The following CREB3L2 variants were observed in gnomAD, a reference collection of about 807,000 sequenced individuals.
CREB3L2 encodes cAMP responsive element binding protein 3 like 2.
A neutral mutation model predicts 57.2 loss-of-function variants in CREB3L2; 23 were observed. The ratio of observed to expected loss-of-function variants is 0.40; its 90% confidence interval spans 0.29 to 0.57. The LOEUF (loss-of-function observed/expected upper bound fraction) is 0.57, where lower values mean the gene tolerates loss of function less well. CREB3L2 is among the 20% of genes least tolerant of loss of function. The pLI, the probability that CREB3L2 is intolerant of heterozygous loss-of-function variation, is 0.42. For missense variants in CREB3L2, 628 were observed against 634.7 expected (o/e 0.99, Z 0.11); for synonymous variants, 268 against 265.1 (o/e 1.01, Z -0.11).
rs527240932 is a variant in CREB3L2, at chr7:137,991,801, G to A, written c.102+9803C>T. ...TGGGCACCTGTAATCCCAGCTACTC[G>A]GGAGACTGAGGCACAAGAATCACTT... On this transcript the variant is annotated intron_variant, in intron 1 of 11. Transcript: ENST00000330387. 1.2e-3 allele frequency among the ~76,000 whole-genome samples: 184 copies of A among 151,822 alleles called. 2 individuals carry two copies. The highest frequency in any genetic ancestry group is 4.1e-3 in the African/African-American group (171 of 41,368).
intron 1 of CREB3L2, among the ~76,000 whole-genome samples, chr7:137,979,448 C>T (rs1298494241): frequency 8.5e-5 from 13 of 152,250 alleles, no homozygotes; most frequent in South Asian, 2.1e-4. Context: ...TGCTGCCGGC[C>T]GGGCGCGGTG....
At chr7:137,934,109 T>A (rs558203028) in intron 1 of CREB3L2, among the ~76,000 whole-genome samples, 1 of 152,376 alleles carries the variant, frequency 6.6e-6, no homozygotes, top group African/African-American at 2.4e-5. Context: ...AATCAAACTT[T>A]ATGAGTTTAC....
chr7:137,970,325 G>C (rs2117298627), intron 1 of CREB3L2, among the ~76,000 whole-genome samples: 1 of 152,268 alleles, frequency 6.6e-6, no homozygotes, highest in East Asian at 1.9e-4. Context: ...TTTTGTTTTA[G>C]AACTTTCTTT....
chr7:137,937,821 AC>A (rs1368551297), intron 1 of CREB3L2, among the ~76,000 whole-genome samples: 35 of 94,490 alleles, frequency 3.7e-4, no homozygotes, highest in African/African-American at 9.3e-4. Context: ...GAGGCTTATT[AC>A]CAAAAAAAAA....
intron 1 of CREB3L2, among the ~76,000 whole-genome samples, chr7:137,965,827 C>T (rs941882726): frequency 6.6e-6 from 1 of 152,180 alleles, no homozygotes; most frequent in Non-Finnish European, 1.5e-5. Flanking sequence ...TCAAAATGGG[C>T]AACTGGGAGA....
chr7:137,885,449 G>A lies in CREB3L2; in HGVS notation c.1097C>T (p.Ser366Phe). The A allele has an allele frequency of 6.2e-7, 1 of 1,614,214 alleles. No individual in the cohort carries two copies. Among genetic ancestry groups the A allele is most frequent in the Non-Finnish European group, 8.5e-7 (1 of 1,180,032 alleles). Residue 366 changes from serine (S) to phenylalanine (F), a missense_variant, in exon 9 of 12, where the codon TCT becomes TTT. This residue lies in a region of CREB3L2 where 272 missense variants were observed against 242.7 expected (regional missense o/e 1.12). Transcript: ENST00000330387. The stretch of plus-strand genomic sequence containing the variant: ...CGTGCCAGCTAACTTGCAGGTTCGA[G>A]AAACCTTGCCCATCACCAAAGTCTG... The part of the protein sequence containing the change: ...KLQTLVMGKV[S>F]RTCKLAGTQT...
At chr7:137,883,511 A>G (rs1224762030) in intron 10 of CREB3L2, among the ~76,000 whole-genome samples, 2 of 152,236 alleles carry the variant, frequency 1.3e-5, no homozygotes, top group Non-Finnish European at 2.9e-5. Flanking sequence ...TGTAGGGTTC[A>G]TATGCCTTTT....
chr7:137,878,134 T>C lies in CREB3L2; in HGVS notation c.*2342A>G, dbSNP rs557529552. The C allele has an allele frequency of 5.4e-4, 125 of 230,714 alleles. No homozygotes were observed. The highest frequency in any genetic ancestry group is 1.0e-3 in the Non-Finnish European group (117 of 116,612). The allele number at this position is 230,714 out of a possible 1,614,324, so 14.3% of individuals were successfully genotyped here. ...CTGCTGTTTGGAGGTCGAGAGAGAG[T>C]GACGTCAAGCAAGCGTAGTAAGGGA... On this transcript the variant is annotated 3_prime_UTR_variant, in exon 12 of 12. Transcript: ENST00000330387.
At position 137,928,288 on chromosome 7, in the gene CREB3L2, T is replaced by C; in HGVS notation, c.181A>G (p.Ser61Gly). The C allele has an allele frequency of 6.2e-7, 1 of 1,614,104 alleles. No individual in the cohort carries two copies. Among genetic ancestry groups the C allele is most frequent in the Non-Finnish European group, 8.5e-7 (1 of 1,180,012 alleles). ...GAAGGTTCCACCTCCATTGACACAC[T>C]CTTCTCTGAGAGGAAAGGATCATTC... is the stretch of plus-strand genomic sequence containing the variant. ...LLNDPFLSEK[S>G]VSMEVEPSPT... Residue 61 changes from serine (S) to glycine (G), a missense_variant, in exon 2 of 12, where the codon AGT becomes GGT. Coordinates refer to ENST00000330387, the MANE Select transcript of CREB3L2 (RefSeq NM_194071.4).
At chr7:137,993,941 G>A (rs925118438) in intron 1 of CREB3L2, among the ~76,000 whole-genome samples, 2 of 152,272 alleles carry the variant, frequency 1.3e-5, no homozygotes, top group Non-Finnish European at 2.9e-5. Context: ...TGTGCCTCAT[G>A]AATAACCTAT....
chr7:137,965,967 T>C (rs891486983), intron 1 of CREB3L2, among the ~76,000 whole-genome samples: 1 of 152,136 alleles, frequency 6.6e-6, no homozygotes, highest in South Asian at 2.1e-4. Flanking sequence ...ATTCAGTAGG[T>C]CTGCAGTGGG....
chr7:137,893,268 A>G (rs959386319), intron 8 of CREB3L2, among the ~76,000 whole-genome samples: 1 of 152,238 alleles, frequency 6.6e-6, no homozygotes, highest in African/African-American at 2.4e-5. Context: ...ATTACACTAA[A>G]ATGCCTTTTA....
At chr7:137,989,341 T>A (rs1203879940) in intron 1 of CREB3L2, among the ~76,000 whole-genome samples, 4 of 151,634 alleles carry the variant, frequency 2.6e-5, no homozygotes, top group African/African-American at 7.3e-5. Context: ...GTCAGCTGAA[T>A]AGCACACTCA....
At chr7:137,942,594 G>A (rs191468635) in intron 1 of CREB3L2, among the ~76,000 whole-genome samples, 7 of 152,154 alleles carry the variant, frequency 4.6e-5, no homozygotes, top group South Asian at 2.1e-4. Flanking sequence ...AATAAAACAC[G>A]AGGCCATAAT....
chr7:137,904,651 G>C (rs1273470915), intron 6 of CREB3L2, among the ~76,000 whole-genome samples: 2 of 151,928 alleles, frequency 1.3e-5, no homozygotes, highest in Admixed American at 6.6e-5. Context: ...GTGACAGAGA[G>C]AGACTCCATC....
At chr7:137,979,224 G>C (rs753726986) in intron 1 of CREB3L2, among the ~76,000 whole-genome samples, 2 of 152,160 alleles carry the variant, frequency 1.3e-5, no homozygotes, top group African/African-American at 2.4e-5. Flanking sequence ...TGTCATCTCT[G>C]TTCTAATTGA....
chr7:137,903,633 G>C (rs915491651), intron 7 of CREB3L2, among the ~76,000 whole-genome samples: 8 of 152,198 alleles, frequency 5.3e-5, no homozygotes, highest in African/African-American at 1.7e-4. Context: ...AGCTAAAACA[G>C]GGCTTCTCCT....
At chr7:137,923,312 T>C (rs1010987536) in intron 2 of CREB3L2, among the ~76,000 whole-genome samples, 2 of 152,218 alleles carry the variant, frequency 1.3e-5, no homozygotes, top group African/African-American at 4.8e-5. Context: ...ATTGTTTTTA[T>C]CTGTTTGGAA....
intron 1 of CREB3L2, among the ~76,000 whole-genome samples, chr7:137,956,385 A>G (rs1357682827): frequency 6.6e-6 from 1 of 152,234 alleles, no homozygotes; most frequent in East Asian, 1.9e-4. Context: ...CACTCTTGCC[A>G]GAAGAAAATC....
Sources: gnomAD v4.1 joint callset for allele counts (sites outside exome capture counted in the v4.1 genomes callset) on GRCh38, gnomAD v4.1.1 for gene constraint, gnomAD v4.1.1 regional missense constraint, MANE v1.5 for transcripts, NCBI Gene and HGNC (gene_info 2026-07-23, HGNC 2026-07-21) for gene names.